PPP2R2C: variants seen among roughly 807,000 people sequenced by gnomAD.
PPP2R2C encodes the protein protein phosphatase 2, regulatory subunit B, gamma.
Under a neutral mutation model 45.3 loss-of-function variants are expected in PPP2R2C, and 10 were observed. The observed-to-expected ratio is 0.22, with a 90% CI of 0.14 to 0.37. The LOEUF (loss-of-function observed/expected upper bound fraction) is 0.37. Among genes scored for constraint, PPP2R2C ranks in the 10% least tolerant of loss-of-function variants. The pLI is 1.00. For synonymous variants in PPP2R2C, 257 were observed against 245.4 expected, an observed-to-expected ratio of 1.05 and a Z score of -0.44; for missense variants, 308 against 619.7, an observed-to-expected ratio of 0.50 and a Z score of 5.34.
At chr4:6,363,394 C>T (rs543794301) in intron 5 of PPP2R2C, among the ~76,000 whole-genome samples, 11 of 152,118 alleles carry the variant, frequency 7.2e-5, no homozygotes, top group Admixed American at 2.6e-4. Flanking sequence ...CTGGCTAACA[C>T]GGTGAAACCC....
intron 1 of PPP2R2C, among the ~76,000 whole-genome samples, chr4:6,461,481 C>T (rs577299894): frequency 3.3e-5 from 5 of 152,254 alleles, no homozygotes; most frequent in South Asian, 2.1e-4. Flanking sequence ...AGGGAAGTCA[C>T]AAGTGCCATG....
At chr4:6,335,503 C>G (rs549372130) in intron 6 of PPP2R2C, among the ~76,000 whole-genome samples, 1 of 152,054 alleles carries the variant, frequency 6.6e-6, no homozygotes, top group Admixed American at 6.5e-5. Flanking sequence ...GGGCCACCCA[C>G]GCAGGATCTC....
At chr4:6,533,207 G>A (rs1312624502) in intron 2 of PPP2R2C, among the ~76,000 whole-genome samples, 1 of 152,138 alleles carries the variant, frequency 6.6e-6, no homozygotes, top group Non-Finnish European at 1.5e-5. Context: ...ACATGCCCGA[G>A]ACCCAGAAGA....
intron 1 of PPP2R2C, among the ~76,000 whole-genome samples, chr4:6,463,946 T>C (rs1397770301): frequency 1.1e-4 from 16 of 152,184 alleles, no homozygotes; most frequent in Admixed American, 1.0e-3. Context: ...GTGTGGTGCA[T>C]AATCAGAACT....
At chr4:6,539,960 A>T (rs1707075218) in intron 1 of PPP2R2C, among the ~76,000 whole-genome samples, 1 of 152,170 alleles carries the variant, frequency 6.6e-6, no homozygotes, top group South Asian at 2.1e-4. Context: ...CACCTGCCCC[A>T]GGCCCGTGAG....
chr4:6,411,631 C>T (rs951514578), intron 1 of PPP2R2C, among the ~76,000 whole-genome samples: 4 of 150,478 alleles, frequency 2.7e-5, no homozygotes, highest in African/African-American at 4.9e-5. Context: ...CAGCTCACTG[C>T]AAGCTCCGCC....
chr4:6,557,320 C>T (rs966985652), intron 1 of PPP2R2C, among the ~76,000 whole-genome samples: 5 of 151,678 alleles, frequency 3.3e-5, no homozygotes, highest in Non-Finnish European at 5.9e-5. Context: ...AGCCAGGCTC[C>T]GAGAACACAG....
chr4:6,327,744 G>A lies in PPP2R2C; in HGVS notation c.1052+1518C>T, dbSNP rs539266556. 2.4e-3 allele frequency among the ~76,000 whole-genome samples: 359 copies of A among 152,244 alleles called. 3 individuals carry two copies. Among genetic ancestry groups the A allele is most frequent in the African/African-American group, 8.0e-3 (332 of 41,552 alleles). ...GCTGTGCCAGCCCAGCCCCGGGTCGGGCCTCCATCCTGGTTTTCTAAGCAT... is the reference window on the plus strand; with the variant it reads ...GCTGTGCCAGCCCAGCCCCGGGTCGAGCCTCCATCCTGGTTTTCTAAGCAT... On this transcript the variant is annotated intron_variant, in intron 8 of 8. Transcript: ENST00000382599.
chr4:6,460,255 A>C (rs752983383), intron 1 of PPP2R2C, among the ~76,000 whole-genome samples: 11 of 152,238 alleles, frequency 7.2e-5, no homozygotes, highest in Non-Finnish European at 1.6e-4. Context: ...GGTAAAATGC[A>C]GTCATATGGA....
rs559875317 is a variant in PPP2R2C, at chr4:6,326,306, C to T, written c.1053-2713G>A. Among the ~76,000 whole-genome samples the T allele has an allele frequency of 3.8e-4, 58 of 152,068 alleles. No individual in the cohort carries two copies. In the South Asian group the frequency reaches 0.011, roughly 30 times the overall value. ...GGAAGCATGGAGAGAAGAAAACGGC[C>T]GGAGAGAAAAAAACAGCCCTAGGGA... On this transcript the variant is annotated intron_variant, in intron 8 of 8. Transcript: ENST00000382599.
In PPP2R2C at chr4:6,393,546, C is replaced by G. The variant is rs146804713; in HGVS notation, c.71-12452G>C. On this transcript the variant is annotated intron_variant, in intron 1 of 8. Coordinates refer to ENST00000382599, the MANE Select transcript of PPP2R2C (RefSeq NM_020416.4). ...AAGAGAGTGAGAAGGGACTCATGAGCCTACGAATGCCCCCATGGCCCCGGC... is the reference window on the plus strand; with the variant it reads ...AAGAGAGTGAGAAGGGACTCATGAGGCTACGAATGCCCCCATGGCCCCGGC... Among the ~76,000 whole-genome samples, 402 of 152,350 alleles carry G rather than the reference C, an allele frequency of 2.6e-3. 3 individuals are homozygous for G. The highest frequency in any genetic ancestry group is 9.3e-3 in the African/African-American group (385 of 41,582).
At chr4:6,408,184 C>T (rs748733006) in intron 1 of PPP2R2C, among the ~76,000 whole-genome samples, 7 of 152,154 alleles carry the variant, frequency 4.6e-5, no homozygotes, top group Non-Finnish European at 4.4e-5. Context: ...GTTGTATGTG[C>T]TCTTGGGTTT....
chr4:6,351,270 G>A (rs538841149), intron 5 of PPP2R2C: 21 of 629,900 alleles, frequency 3.3e-5, no homozygotes, highest in South Asian at 2.1e-4. Context: ...CTGAGATCGC[G>A]CCACTGCACT....
intron 5 of PPP2R2C, among the ~76,000 whole-genome samples, chr4:6,354,007 C>A (rs2109244669): frequency 7.4e-6 from 1 of 134,682 alleles, no homozygotes; most frequent in Admixed American, 7.4e-5. Flanking sequence ...CCTGGGGCAC[C>A]AAGCCAGGCA....
chr4:6,550,688 G>A (rs953161945), intron 1 of PPP2R2C, among the ~76,000 whole-genome samples: 19 of 152,320 alleles, frequency 1.2e-4, no homozygotes, highest in Admixed American at 6.5e-4. Flanking sequence ...CCAGGCTGGA[G>A]TACAGCTCCA....
intron 2 of PPP2R2C, among the ~76,000 whole-genome samples, chr4:6,491,255 G>A (rs1234684639): frequency 2.0e-5 from 3 of 152,186 alleles, no homozygotes; most frequent in East Asian, 3.8e-4. Context: ...TGGCTCAGGT[G>A]GTCAGCCCCT....
At chr4:6,336,913 T>C (rs1411512182) in intron 6 of PPP2R2C, among the ~76,000 whole-genome samples, 19 of 45,000 alleles carry the variant, frequency 4.2e-4, no homozygotes, top group East Asian at 8.8e-4. Flanking sequence ...CCCTCCTTCC[T>C]TCCCTCCCTC....
rs1349830396 is a variant in PPP2R2C at position 6,472,246 on chromosome 4, T to A, written c.-17A>T. On this transcript the variant is annotated 5_prime_UTR_variant, in exon 1 of 9. Coordinates refer to ENST00000382599, the MANE Select transcript of PPP2R2C (RefSeq NM_020416.4). ...CTCGCCCATTGAAGGCCGTGCCCGG[T>A]GCTCTGGGCATGCCCCGCCGCCACA... is the stretch of plus-strand genomic sequence containing the variant. 4 of 1,612,044 alleles carry A rather than the reference T, an allele frequency of 2.5e-6. No individual in the cohort carries two copies. Among genetic ancestry groups the A allele is most frequent in the Admixed American group, 3.3e-5 (2 of 59,912 alleles).
At chr4:6,403,623 G>A (rs7435711) in intron 1 of PPP2R2C, among the ~76,000 whole-genome samples, 2 of 152,140 alleles carry the variant, frequency 1.3e-5, no homozygotes, top group Non-Finnish European at 2.9e-5. Flanking sequence ...TACAACCTGG[G>A]AGGACGAGGC....
Sources: gnomAD v4.1 joint callset for allele counts (sites outside exome capture counted in the v4.1 genomes callset) on GRCh38, gnomAD v4.1.1 for gene constraint, MANE v1.5 for transcripts, NCBI Gene and HGNC (gene_info 2026-07-23, HGNC 2026-07-21) for gene names.